The following EEA1 variants were observed in gnomAD, a reference collection of about 807,000 sequenced individuals.
The protein encoded by EEA1 is early endosome antigen 1, 162kD.
A neutral mutation model predicts 209.2 loss-of-function variants in EEA1; 111 were observed. The observed-to-expected ratio is 0.53, with a 90% CI of 0.45 to 0.62. The LOEUF (loss-of-function observed/expected upper bound fraction) is 0.62. Among genes scored for constraint, EEA1 ranks in the 20% least tolerant of loss-of-function variants. The pLI, the probability that EEA1 is intolerant of heterozygous loss-of-function variation, is 0.00. For synonymous variants in EEA1, 536 were observed against 540.6 expected (o/e 0.99, Z 0.12); for missense variants, 1,343 against 1,530.8 (o/e 0.88, Z 2.05).
At position 92,811,155 on chromosome 12, in the gene EEA1, A is replaced by G. The variant is rs569875500; in HGVS notation, c.2199+124T>C. 1.2e-4 allele frequency: 80 copies of G among 656,602 alleles called. No homozygotes were observed. The African/African-American group carries it at 1.5e-3, about 12-fold the overall frequency. The allele number at this position is 656,602 out of a possible 1,614,324, so 40.7% of individuals were successfully genotyped here. A position where few individuals can be genotyped will look rare whatever the true frequency, so the allele number is the denominator to read the frequency against. On this transcript the variant is annotated intron_variant, in intron 17 of 28. Coordinates refer to ENST00000322349, the MANE Select transcript of EEA1 (RefSeq NM_003566.4). ...ATGAAAAATTACAAGCAATTTTTTA[A>G]AAATTTTATACCACAACTTCACCTT...
intron 18 of EEA1, among the ~76,000 whole-genome samples, chr12:92,808,305 GATACACAGAAT>G (rs567013145): frequency 1.3e-3 from 204 of 152,228 alleles, no homozygotes; most frequent in African/African-American, 4.8e-3. Flanking sequence ...TAGATCCACA[GATACACAGAAT>G]ATACACTGAT....
intron 28 of EEA1, 75 bp downstream of exon 28, chr12:92,776,769 T>C: frequency 2.2e-6 from 3 of 1,358,396 alleles, no homozygotes; most frequent in South Asian, 1.2e-5. Context: ...TGAAGGACTA[T>C]TTTGATGGTT....
intron 11 of EEA1, among the ~76,000 whole-genome samples, chr12:92,831,487 G>T (rs1876627298): frequency 6.8e-6 from 1 of 147,830 alleles, no homozygotes; most frequent in African/African-American, 2.5e-5. Flanking sequence ...AATAATATAT[G>T]AATTGTATAT....
At chr12:92,914,338 T>A (rs1237277329) in intron 1 of EEA1, among the ~76,000 whole-genome samples, 1 of 152,190 alleles carries the variant, frequency 6.6e-6, no homozygotes, top group Non-Finnish European at 1.5e-5. Context: ...TCTGTTCCAT[T>A]GACCTGTGAC....
intron 21 of EEA1, among the ~76,000 whole-genome samples, chr12:92,794,021 A>C (rs918082182): frequency 7.9e-5 from 12 of 152,202 alleles, no homozygotes; most frequent in Non-Finnish European, 7.3e-5. Flanking sequence ...AAGAACTCAA[A>C]CAAATTTACA....
intron 22 of EEA1, among the ~76,000 whole-genome samples, chr12:92,782,629 A>G (rs1873953752): frequency 6.6e-6 from 1 of 152,224 alleles, no homozygotes; most frequent in African/African-American, 2.4e-5. Context: ...AATATTAATA[A>G]ATAGTATGGT....
chr12:92,855,868 T>C (rs538580231), intron 5 of EEA1, among the ~76,000 whole-genome samples: 29 of 152,302 alleles, frequency 1.9e-4, no homozygotes, highest in African/African-American at 6.3e-4. Context: ...TGCTTTCAGA[T>C]ACAGAAAAGA....
chr12:92,860,914 G>A (rs2136719086), intron 3 of EEA1, among the ~76,000 whole-genome samples: 1 of 151,530 alleles, frequency 6.6e-6, no homozygotes, highest in East Asian at 1.9e-4. Flanking sequence ...AGAAGAAGAG[G>A]AGGAGGAGGA....
At chr12:92,824,413 C>T (rs942391192) in intron 13 of EEA1, among the ~76,000 whole-genome samples, 1 of 152,332 alleles carries the variant, frequency 6.6e-6, no homozygotes, top group African/African-American at 2.4e-5. Flanking sequence ...CACCGCTTTG[C>T]TCAGAACCCT....
chr12:92,822,833 G>A (rs1053101288), intron 13 of EEA1, among the ~76,000 whole-genome samples: 2 of 151,786 alleles, frequency 1.3e-5, no homozygotes, highest in African/African-American at 2.4e-5. Context: ...AATATATCGC[G>A]CTGGTGCCTC....
At chr12:92,817,380 T>G (rs1246284455) in intron 14 of EEA1, among the ~76,000 whole-genome samples, 2 of 151,316 alleles carry the variant, frequency 1.3e-5, no homozygotes, top group African/African-American at 4.9e-5. Context: ...ACCATTTCTG[T>G]TTTTTTTTAA....
At chr12:92,880,667 G>T (rs1331523511) in intron 2 of EEA1, among the ~76,000 whole-genome samples, 1 of 152,086 alleles carries the variant, frequency 6.6e-6, no homozygotes. Context: ...AGTAGAGACG[G>T]GGTTTCACAG....
intron 5 of EEA1, among the ~76,000 whole-genome samples, chr12:92,855,889 T>C (rs923302212): frequency 1.3e-4 from 20 of 152,218 alleles, no homozygotes; most frequent in African/African-American, 4.6e-4. Flanking sequence ...ATACAGCCCA[T>C]ACTCAATTAA....
chr12:92,831,916 T>C (rs1876662489), intron 11 of EEA1, among the ~76,000 whole-genome samples: 1 of 149,470 alleles, frequency 6.7e-6, no homozygotes, highest in Non-Finnish European at 1.5e-5. Context: ...AAACCCCGTC[T>C]CTACTAAAAA....
intron 1 of EEA1, among the ~76,000 whole-genome samples, chr12:92,909,424 T>C (rs1281728871): frequency 6.6e-6 from 1 of 152,146 alleles, no homozygotes; most frequent in East Asian, 1.9e-4. Flanking sequence ...GCAAAACACA[T>C]TGACTGTAAT....
chr12:92,862,767 A>C (rs1355993571), intron 3 of EEA1, among the ~76,000 whole-genome samples: 2 of 152,224 alleles, frequency 1.3e-5, no homozygotes, highest in Admixed American at 1.3e-4. Context: ...AAACAGAATT[A>C]ACTAAACTTT....
chr12:92,896,639 C>A (rs900279526), intron 1 of EEA1, among the ~76,000 whole-genome samples: 1 of 152,068 alleles, frequency 6.6e-6, no homozygotes, highest in African/African-American at 2.4e-5. Context: ...TCCGTCACTA[C>A]TAAAAATACA....
At chr12:92,813,712 G>A (rs762272440) in intron 15 of EEA1, among the ~76,000 whole-genome samples, 2 of 151,942 alleles carry the variant, frequency 1.3e-5, no homozygotes, top group Non-Finnish European at 2.9e-5. Context: ...AACTCACCTC[G>A]AATACGAAAA....
At chr12:92,807,956 A>G (rs1875294583) in intron 18 of EEA1, among the ~76,000 whole-genome samples, 1 of 152,196 alleles carries the variant, frequency 6.6e-6, no homozygotes, top group South Asian at 2.1e-4. Flanking sequence ...AACTTACAAG[A>G]GTCAAGACAA....
Sources: gnomAD v4.1 joint callset for allele counts (sites outside exome capture counted in the v4.1 genomes callset) on GRCh38, gnomAD v4.1.1 for gene constraint, MANE v1.5 for transcripts, NCBI Gene and HGNC (gene_info 2026-07-23, HGNC 2026-07-21) for gene names.